The following ANKRD31 variants were observed in gnomAD, a reference collection of about 807,000 sequenced individuals.
ANKRD31 encodes the protein ankyrin repeat domain 31, also known as ankyrin repeat domain-containing protein 31.
In ANKRD31, 147 loss-of-function variants were observed where a neutral mutation model predicts 186.0. The observed-to-expected ratio is 0.79, with a 90% CI of 0.69 to 0.91. The LOEUF (loss-of-function observed/expected upper bound fraction) is 0.91, where lower values mean the gene tolerates loss of function less well. Ranked by LOEUF, ANKRD31 falls within the 40% of genes least tolerant of loss-of-function variation. ANKRD31 has a pLI of 0.00. For synonymous variants in ANKRD31, 673 were observed against 736.4 expected (o/e 0.91, Z 1.39); for missense variants, 1,986 against 2,148.8 (o/e 0.92, Z 1.50).
At chr5:75,177,662 A>C (rs187350560) in intron 10 of ANKRD31, among the ~76,000 whole-genome samples, 122 of 152,266 alleles carry the variant, frequency 8.0e-4, no homozygotes, top group African/African-American at 2.6e-3. Context: ...GAAATAAAAT[A>C]CTTTACAGAC....
At position 75,144,068 on chromosome 5, in the gene ANKRD31, G is replaced by C; in HGVS notation, c.3528C>G (p.Ser1176Arg). Residue 1176 changes from serine to arginine, a missense_variant, in exon 15 of 26, where the codon AGC (serine) becomes AGG (arginine). Ser to Arg is a moderately radical substitution (Grantham distance 110). Coordinates refer to ENST00000506364, the MANE Select transcript of ANKRD31 (RefSeq NM_001372053.1). ...AATTCTGAACTGTTTTGTGTTCTTG[G>C]CTATTAGTAGGCATGTGAATTTCTG... ...TESEIHMPTN[S>R]QEHKTVQNFR... The C allele has an allele frequency of 5.0e-6, 2 of 397,372 alleles. No homozygotes were observed. The highest frequency in any genetic ancestry group is 8.9e-6 in the Non-Finnish European group (2 of 225,326). 24.6% of individuals were successfully genotyped at this position (397,372 alleles called of 1,614,324 possible).
At chr5:75,168,113 C>CA (rs151218154) in intron 11 of ANKRD31, among the ~76,000 whole-genome samples, 6,027 of 151,866 alleles carry the variant, frequency 0.04, 275 homozygotes, top group African/African-American at 0.11. Flanking sequence ...AAACAAACAA[C>CA]AAAAAAAACT....
rs540267447 is a variant in ANKRD31 at position 75,091,408 on chromosome 5, T to C, written c.5332-7A>G. ...TGGCTTTGTGGGTAGTCTCCTGAAG[T>C]GAAAAATAAAACAGAAATTAAGGTC... is the stretch of plus-strand genomic sequence containing the variant. On this transcript the variant is annotated splice_region_variant and splice_polypyrimidine_tract_variant and intron_variant, in intron 22 of 25. Coordinates refer to ENST00000506364, the MANE Select transcript of ANKRD31 (RefSeq NM_001372053.1). 28 of 1,516,698 alleles carry C rather than the reference T, an allele frequency of 1.8e-5. No homozygotes were observed. Among genetic ancestry groups the C allele is most frequent in the Non-Finnish European group, 2.5e-5 (28 of 1,140,372 alleles). 94.0% of individuals were successfully genotyped at this position (1,516,698 alleles called of 1,614,324 possible).
At chr5:75,117,102 C>G (rs1748354139) in intron 18 of ANKRD31, among the ~76,000 whole-genome samples, 1 of 152,168 alleles carries the variant, frequency 6.6e-6, no homozygotes, top group Non-Finnish European at 1.5e-5. Context: ...TTGGACCCTA[C>G]TCCCATTCTG....
chr5:75,071,652 C>A (rs555650176), intron 25 of ANKRD31, among the ~76,000 whole-genome samples: 1 of 152,036 alleles, frequency 6.6e-6, no homozygotes, highest in African/African-American at 2.4e-5. Context: ...CCCACCACCA[C>A]GCCCGGCTAA....
At chr5:75,098,904 T>C (rs572553861) in intron 22 of ANKRD31, among the ~76,000 whole-genome samples, 1 of 152,352 alleles carries the variant, frequency 6.6e-6, no homozygotes, top group South Asian at 2.1e-4. Context: ...CCTCTTTTCC[T>C]AATTCAATAC....
intron 14 of ANKRD31, 57 bp downstream of exon 14, chr5:75,145,930 T>C: frequency 7.5e-7 from 1 of 1,325,894 alleles, no homozygotes; most frequent in Non-Finnish European, 9.8e-7. Flanking sequence ...TGGAAATTTC[T>C]ATAAAAATAA....
chr5:75,193,234 C>A (rs1490404402), intron 8 of ANKRD31, 77 bp downstream of exon 8: 2 of 1,421,698 alleles, frequency 1.4e-6, no homozygotes, highest in Non-Finnish European at 1.9e-6. Flanking sequence ...GTATACTGAC[C>A]CTGATGTCCC....
chr5:75,177,806 T>C (rs941546594), intron 10 of ANKRD31, among the ~76,000 whole-genome samples: 5 of 152,154 alleles, frequency 3.3e-5, no homozygotes, highest in Admixed American at 6.5e-5. Flanking sequence ...CCGTCGATGC[T>C]AGGAAGAAAC....
In ANKRD31 at chr5:75,080,744, T is replaced by C. The variant is rs1580282128; in HGVS notation, c.5576-105A>G. On this transcript the variant is annotated intron_variant, in intron 24 of 25. Coordinates refer to ENST00000506364, the MANE Select transcript of ANKRD31 (RefSeq NM_001372053.1). ...TACCGATGGGAAATACAAATAGCTC[T>C]TCCTTGACATTTTAGGAGAGATGAT... is the stretch of plus-strand genomic sequence containing the variant. The C allele has an allele frequency of 1.0e-5, 6 of 600,474 alleles. No homozygotes were observed. The East Asian group carries it at 1.6e-4, about 16-fold the overall frequency. 37.2% of individuals were successfully genotyped at this position (600,474 alleles called of 1,614,324 possible).
At chr5:75,113,170 A>G (rs987720852) in intron 19 of ANKRD31, among the ~76,000 whole-genome samples, 1 of 152,094 alleles carries the variant, frequency 6.6e-6, no homozygotes, top group Non-Finnish European at 1.5e-5. Flanking sequence ...TGGGCTCTGG[A>G]ACCAGACTTT....
Position 75,146,091 on chromosome 5 carries a change from G to A in ANKRD31, c.3320C>T (p.Thr1107Ile). Reference sequence around the variant, plus strand: ...GGAATGAGAATCTATATTGTGTATAGTCTCACTTTCTAGATGGTTTTGTCT... The same window carrying A: ...GGAATGAGAATCTATATTGTGTATAATCTCACTTTCTAGATGGTTTTGTCT... ...KRRQNHLESE[T>I]IHNIDSHSTD... is the part of the protein sequence containing the mutation. The change falls in exon 14 of 26, where the codon ACT becomes ATT. Residue 1107 changes from threonine to isoleucine, a missense_variant. Thr to Ile is a moderately conservative substitution (Grantham distance 89, BLOSUM62 -1). Transcript: ENST00000506364. 6.5e-7 allele frequency: 1 copy of A among 1,535,336 alleles called. No homozygotes were observed. The highest frequency in any genetic ancestry group is 8.7e-7 in the Non-Finnish European group (1 of 1,145,716).
Position 75,210,808 on chromosome 5 carries a change from C to A in ANKRD31, c.326+20G>T. 1.4e-6 allele frequency: 2 copies of A among 1,475,310 alleles called. No homozygotes were observed. Among genetic ancestry groups the A allele is most frequent in the Admixed American group, 2.5e-5 (1 of 39,238 alleles). The allele number at this position is 1,475,310 out of a possible 1,614,324, so 91.4% of individuals were successfully genotyped here. ...CAAAAATACCTACAACATAATGAAG[C>A]CAAAAATTAGTATACTTACTGTAAC... On this transcript the variant is annotated intron_variant, in intron 4 of 25. Coordinates refer to ENST00000506364, the MANE Select transcript of ANKRD31 (RefSeq NM_001372053.1).
At chr5:75,161,727 C>A (rs1035183640) in intron 11 of ANKRD31, among the ~76,000 whole-genome samples, 1 of 152,138 alleles carries the variant, frequency 6.6e-6, no homozygotes, top group African/African-American at 2.4e-5. Context: ...GCCAGGGTCC[C>A]GATGCTGTGT....
intron 10 of ANKRD31, among the ~76,000 whole-genome samples, chr5:75,170,728 A>G (rs1753250512): frequency 1.3e-5 from 2 of 152,116 alleles, no homozygotes; most frequent in East Asian, 1.9e-4. Flanking sequence ...TTTAAATATA[A>G]AGACACAGAT....
chr5:75,220,638 G>A (rs1474348459), intron 3 of ANKRD31, among the ~76,000 whole-genome samples: 11 of 110,266 alleles, frequency 1.0e-4, no homozygotes, highest in African/African-American at 4.0e-4. Context: ...GCAAAACTCC[G>A]TCTCAAAAAA....
intron 4 of ANKRD31, 105 bp from the exon 5 acceptor site, chr5:75,206,592 A>T: frequency 2.0e-6 from 1 of 496,860 alleles, no homozygotes; most frequent in Non-Finnish European, 3.1e-6. Context: ...GGCTTTCCAA[A>T]TAGGATAATT....
At chr5:75,165,807 A>G (rs1406052670) in intron 11 of ANKRD31, among the ~76,000 whole-genome samples, 1 of 152,200 alleles carries the variant, frequency 6.6e-6, no homozygotes, top group Non-Finnish European at 1.5e-5. Context: ...AAAATATAGA[A>G]AGGACTGTTG....
rs968017129 is a variant in ANKRD31 at position 75,189,142 on chromosome 5, C to T, written c.1409-494G>A. ...CTGGAAAAGGGAATGCAAAATTCTC[C>T]TTCTTGGCTAAAAATAAATTAATGA... is the stretch of plus-strand genomic sequence containing the variant. On this transcript the variant is annotated intron_variant, in intron 9 of 25. Coordinates refer to ENST00000506364, the MANE Select transcript of ANKRD31 (RefSeq NM_001372053.1). Among the ~76,000 whole-genome samples the T allele has an allele frequency of 1.2e-4, 19 of 152,106 alleles. 1 individual carries two copies. Among genetic ancestry groups the T allele is most frequent in the African/African-American group, 4.3e-4 (18 of 41,418 alleles).
Sources: gnomAD v4.1 joint callset for allele counts (sites outside exome capture counted in the v4.1 genomes callset) on GRCh38, gnomAD v4.1.1 for gene constraint, MANE v1.5 for transcripts, NCBI Gene and HGNC (gene_info 2026-07-23, HGNC 2026-07-21) for gene names.